The following NTRK2 variants were observed in gnomAD, a reference collection of about 807,000 sequenced individuals.
NTRK2 encodes neurotrophic receptor tyrosine kinase 2, also known as BDNF/NT-3 growth factors receptor.
A neutral mutation model predicts 94.5 loss-of-function variants in NTRK2; 13 were observed. The observed-to-expected ratio is 0.14, with a 90% CI of 0.09 to 0.22. The LOEUF is 0.22. Among genes scored for constraint, NTRK2 ranks in the 10% least tolerant of loss-of-function variants. The probability of loss-of-function intolerance (pLI) is 1.00; values close to 1 mark genes in which losing one functional copy is unlikely to be tolerated. For synonymous variants in NTRK2, 372 were observed against 407.4 expected, an observed-to-expected ratio of 0.91 and a Z score of 1.05; for missense variants, 639 against 1,071.2, an observed-to-expected ratio of 0.60 and a Z score of 5.63.
At chr9:84,866,793 C>CA (rs1218487249) in intron 13 of NTRK2, among the ~76,000 whole-genome samples, 17 of 152,044 alleles carry the variant, frequency 1.1e-4, no homozygotes, top group African/African-American at 4.1e-4. Flanking sequence ...TCATAATAGC[C>CA]AAAAAGCCAG....
intron 14 of NTRK2, among the ~76,000 whole-genome samples, chr9:84,928,595 G>A (rs2132663617): frequency 6.6e-6 from 1 of 152,228 alleles, no homozygotes; most frequent in South Asian, 2.1e-4. Flanking sequence ...GAGAGGGAGG[G>A]AACCTGAATC....
intron 17 of NTRK2, among the ~76,000 whole-genome samples, chr9:84,982,443 C>CTAGGAATCTA (rs946575268): frequency 6.6e-6 from 1 of 152,158 alleles, no homozygotes; most frequent in African/African-American, 2.4e-5. Context: ...GAAATCTCCC[C>CTAGGAATCTA]TAGGAATCTA....
intron 17 of NTRK2, among the ~76,000 whole-genome samples, chr9:85,005,674 T>C (rs1243497702): frequency 2.6e-5 from 4 of 152,190 alleles, no homozygotes; most frequent in Non-Finnish European, 4.4e-5. Flanking sequence ...TTGAAACACA[T>C]AGAAGCTGTT....
chr9:84,937,585 C>A (rs2078254429), intron 15 of NTRK2, among the ~76,000 whole-genome samples: 1 of 152,144 alleles, frequency 6.6e-6, no homozygotes, highest in Non-Finnish European at 1.5e-5. Flanking sequence ...TGGATCCAAC[C>A]AGATTGTCCC....
chr9:85,018,283 T>C (rs1194452509), intron 17 of NTRK2, among the ~76,000 whole-genome samples: 4 of 152,232 alleles, frequency 2.6e-5, no homozygotes, highest in South Asian at 2.1e-4. Context: ...CTAAACCATA[T>C]GGTACATTCC....
chr9:84,886,339 T>C (rs80085840), intron 14 of NTRK2, among the ~76,000 whole-genome samples: 1 of 152,214 alleles, frequency 6.6e-6, no homozygotes, highest in Non-Finnish European at 1.5e-5. Flanking sequence ...ATGATCCCAT[T>C]GGAAGAAGCT....
intron 12 of NTRK2, among the ~76,000 whole-genome samples, chr9:84,818,470 T>G (rs1200635141): frequency 6.6e-6 from 1 of 152,260 alleles, no homozygotes; most frequent in Non-Finnish European, 1.5e-5. Flanking sequence ...CAGCAAGTCT[T>G]CAGGTATTTG....
intron 6 of NTRK2, among the ~76,000 whole-genome samples, chr9:84,715,066 TC>T (rs1440574704): frequency 6.6e-6 from 1 of 152,202 alleles, no homozygotes; most frequent in Non-Finnish European, 1.5e-5. Flanking sequence ...GAGAACAAGT[TC>T]TCTACATTTT....
At chr9:84,823,715 G>A (rs187642223) in intron 12 of NTRK2, among the ~76,000 whole-genome samples, 5 of 152,228 alleles carry the variant, frequency 3.3e-5, no homozygotes, top group Admixed American at 6.5e-5. Flanking sequence ...GGGGAGATCC[G>A]GGTTTTTATG....
At chr9:84,932,129 A>G (rs1001623024) in intron 14 of NTRK2, among the ~76,000 whole-genome samples, 2 of 152,208 alleles carry the variant, frequency 1.3e-5, no homozygotes, top group Non-Finnish European at 2.9e-5. Context: ...TACCACTTGC[A>G]TTTTCTATAA....
chr9:84,900,530 T>C (rs1471226675), intron 14 of NTRK2, among the ~76,000 whole-genome samples: 1 of 152,230 alleles, frequency 6.6e-6, no homozygotes, highest in African/African-American at 2.4e-5. Flanking sequence ...GGCTGGCATC[T>C]GTGGTTTCCT....
rs373270817 is a variant in NTRK2 at position 85,009,909 on chromosome 9, G to C, written c.2173-10297G>C. Among the ~76,000 whole-genome samples the C allele has an allele frequency of 4.1e-4, 62 of 152,310 alleles. 1 individual carries two copies. Among genetic ancestry groups the C allele is most frequent in the African/African-American group, 1.4e-3 (60 of 41,564 alleles). ...AACCATAGCAGAATGAACTTCCCCA[G>C]CTGAGAGGAAAGAAGAACTTACTCA... On this transcript the variant is annotated intron_variant, in intron 17 of 18. Coordinates refer to ENST00000277120, the MANE Select transcript of NTRK2 (RefSeq NM_006180.6).
At chr9:84,774,407 C>T (rs1381589688) in intron 12 of NTRK2, among the ~76,000 whole-genome samples, 1 of 152,186 alleles carries the variant, frequency 6.6e-6, no homozygotes, top group Admixed American at 6.5e-5. Flanking sequence ...TGTACTTTGT[C>T]TCGCTTAGTT....
At chr9:84,893,212 A>G (rs2076647434) in intron 14 of NTRK2, among the ~76,000 whole-genome samples, 1 of 152,056 alleles carries the variant, frequency 6.6e-6, no homozygotes, top group Non-Finnish European at 1.5e-5. Context: ...AGAGGCAATC[A>G]CTGTTCCGAC....
chr9:84,972,805 T>C (rs1826336777), intron 17 of NTRK2, among the ~76,000 whole-genome samples: 1 of 152,206 alleles, frequency 6.6e-6, no homozygotes. Flanking sequence ...TTGGTTTTAT[T>C]CAGACAATTA....
chr9:84,978,972 C>T (rs1006280260), intron 17 of NTRK2, among the ~76,000 whole-genome samples: 1 of 152,188 alleles, frequency 6.6e-6, no homozygotes, highest in African/African-American at 2.4e-5. Flanking sequence ...TTGCAACATG[C>T]TGCCTGGAAA....
intron 14 of NTRK2, among the ~76,000 whole-genome samples, chr9:84,897,372 TGA>T (rs1257135954): frequency 2.0e-5 from 3 of 152,186 alleles, no homozygotes; most frequent in African/African-American, 7.2e-5. Context: ...CCTGAACTCG[TGA>T]TCTGCCTGCC....
chr9:84,727,603 G>C, intron 8 of NTRK2, 51 bp from the exon 9 acceptor site: 1 of 1,559,228 alleles, frequency 6.4e-7, no homozygotes, highest in South Asian at 1.1e-5. Context: ...TCTCGAGATG[G>C]GGAGAATTCT....
chr9:84,995,149 A>T (rs1390750306), intron 17 of NTRK2, among the ~76,000 whole-genome samples: 1 of 152,164 alleles, frequency 6.6e-6, no homozygotes, highest in African/African-American at 2.4e-5. Context: ...CCCTAAGAGA[A>T]ATGCAGTCCC....
Sources: allele counts gnomAD v4.1 joint callset (sites outside exome capture counted in the v4.1 genomes callset), GRCh38; gene constraint gnomAD v4.1.1; transcripts MANE v1.5; gene names NCBI Gene and HGNC (gene_info 2026-07-23, HGNC 2026-07-21).